TSHZ2: variants seen among roughly 807,000 people sequenced by gnomAD.
The protein encoded by TSHZ2 is teashirt zinc finger homeobox 2, also known as teashirt homolog 2.
Under a neutral mutation model 74.4 loss-of-function variants are expected in TSHZ2, and 21 were observed. The observed-to-expected ratio is 0.28, with a 90% CI of 0.20 to 0.41. The LOEUF is 0.41. Ranked by LOEUF, TSHZ2 falls within the 10% of genes least tolerant of loss-of-function variation. The pLI is 1.00. For missense variants in TSHZ2, 1,244 were observed against 1,293.5 expected, an observed-to-expected ratio of 0.96 and a Z score of 0.59; for synonymous variants, 540 against 515.3, an observed-to-expected ratio of 1.05 and a Z score of -0.65.
chr20:53,029,799 T>C (rs1983571659), intron 1 of TSHZ2, among the ~76,000 whole-genome samples: 1 of 152,182 alleles, frequency 6.6e-6, no homozygotes, highest in South Asian at 2.1e-4. Flanking sequence ...TTGTGTTTTA[T>C]AAAACTCAAA....
intron 1 of TSHZ2, among the ~76,000 whole-genome samples, chr20:53,195,010 ACT>A (rs1988827109): frequency 1.3e-5 from 2 of 151,718 alleles, no homozygotes; most frequent in African/African-American, 4.8e-5. Flanking sequence ...TCACTCTGTG[ACT>A]CTCTGTCCCT....
intron 1 of TSHZ2, among the ~76,000 whole-genome samples, chr20:52,978,373 G>T (rs1312926948): frequency 1.3e-5 from 2 of 152,132 alleles, no homozygotes; most frequent in Admixed American, 1.3e-4. Flanking sequence ...GTAATTAGCT[G>T]ACACGAGGTA....
intron 1 of TSHZ2, among the ~76,000 whole-genome samples, chr20:53,171,655 T>G (rs1386312573): frequency 6.6e-6 from 1 of 152,122 alleles, no homozygotes; most frequent in East Asian, 1.9e-4. Context: ...ATTAATTGAT[T>G]CTGAGCTATA....
At chr20:53,042,038 T>C (rs1335173558) in intron 1 of TSHZ2, among the ~76,000 whole-genome samples, 1 of 151,776 alleles carries the variant, frequency 6.6e-6, no homozygotes, top group African/African-American at 2.4e-5. Context: ...TTGCAGCATA[T>C]TACCCAAATG....
chr20:53,463,433 A>AGAAG (rs1555871560), intron 2 of TSHZ2, among the ~76,000 whole-genome samples: 1,017 of 92,892 alleles, frequency 0.011, 48 homozygotes, highest in East Asian at 0.049. Flanking sequence ...GAAGGAAGGA[A>AGAAG]GGAGGGAGGG....
chr20:53,427,198 G>A (rs1983686221), intron 2 of TSHZ2, among the ~76,000 whole-genome samples: 2 of 152,154 alleles, frequency 1.3e-5, no homozygotes, highest in South Asian at 2.1e-4. Context: ...TGTGAAGGGT[G>A]TAGCACAAAG....
At chr20:53,045,969 TC>T (rs1182326773) in intron 1 of TSHZ2, among the ~76,000 whole-genome samples, 1 of 152,162 alleles carries the variant, frequency 6.6e-6, no homozygotes, top group African/African-American at 2.4e-5. Flanking sequence ...TGTATCTGTT[TC>T]CTGTCTTATA....
chr20:53,303,480 T>C (rs2145485476), intron 2 of TSHZ2, among the ~76,000 whole-genome samples: 1 of 152,344 alleles, frequency 6.6e-6, no homozygotes, highest in East Asian at 1.9e-4. Flanking sequence ...TAAGCAGTAT[T>C]CTTCTATGAA....
chr20:53,196,753 T>C (rs1003533192), intron 1 of TSHZ2, among the ~76,000 whole-genome samples: 1 of 152,218 alleles, frequency 6.6e-6, no homozygotes, highest in Non-Finnish European at 1.5e-5. Context: ...TGCCTAGAAT[T>C]CCAGGTATTT....
At chr20:53,050,101 GTGTATATA>G (rs200893315) in intron 1 of TSHZ2, among the ~76,000 whole-genome samples, 22 of 60,446 alleles carry the variant, frequency 3.6e-4, no homozygotes, top group East Asian at 3.7e-3. Flanking sequence ...ATGTATATGT[GTGTATATA>G]TATATATATA....
chr20:53,321,683 C>CAAAAAAAA (rs59907513), intron 2 of TSHZ2, among the ~76,000 whole-genome samples: 10,446 of 57,700 alleles, frequency 0.18, 1,719 homozygotes, highest in South Asian at 0.29. Flanking sequence ...GACTCCATCT[C>CAAAAAAAA]AAAAAAAAAA....
At chr20:53,121,196 G>A (rs145400767) in intron 1 of TSHZ2, among the ~76,000 whole-genome samples, 132 of 152,326 alleles carry the variant, frequency 8.7e-4, no homozygotes, top group African/African-American at 3.1e-3. Context: ...ATGTGTGTCT[G>A]TGTGTGTATG....
At chr20:53,139,305 G>C (rs752801132) in intron 1 of TSHZ2, among the ~76,000 whole-genome samples, 4 of 152,118 alleles carry the variant, frequency 2.6e-5, no homozygotes, top group Non-Finnish European at 4.4e-5. Context: ...GTAAGTACTT[G>C]TTATTTCCTG....
intron 1 of TSHZ2, among the ~76,000 whole-genome samples, chr20:53,099,869 G>T (rs1051346501): frequency 1.3e-5 from 2 of 152,140 alleles, no homozygotes; most frequent in African/African-American, 4.8e-5. Flanking sequence ...TTTGGGTGGG[G>T]ACACAGCCAA....
At chr20:53,185,674 C>G in intron 1 of TSHZ2, 16 of 1,536,078 alleles carry the variant, frequency 1.0e-5, no homozygotes, top group Non-Finnish European at 1.4e-5. Flanking sequence ...CTCCATTATA[C>G]AGGTACAACA....
chr20:53,258,378 G>A (rs1434119697), intron 2 of TSHZ2, among the ~76,000 whole-genome samples: 4 of 151,980 alleles, frequency 2.6e-5, no homozygotes, highest in African/African-American at 9.7e-5. Context: ...AAGAGGGGGG[G>A]CATACAGAGA....
chr20:53,272,204 G>T (rs952448212), intron 2 of TSHZ2, among the ~76,000 whole-genome samples: 2 of 152,056 alleles, frequency 1.3e-5, no homozygotes, highest in Non-Finnish European at 2.9e-5. Flanking sequence ...TAGAGATAAG[G>T]TTTCACCATG....
chr20:53,076,137 AGGATTAATCT>A (rs1985356759), intron 1 of TSHZ2, among the ~76,000 whole-genome samples: 1 of 152,206 alleles, frequency 6.6e-6, no homozygotes, highest in Admixed American at 6.5e-5. Flanking sequence ...AATTTTTTGA[AGGATTAATCT>A]GGCAGTAGTT....
intron 1 of TSHZ2, among the ~76,000 whole-genome samples, chr20:53,076,243 A>G (rs1985360492): frequency 6.6e-6 from 1 of 152,212 alleles, no homozygotes; most frequent in Non-Finnish European, 1.5e-5. Context: ...GAGAGCCTGG[A>G]CTGGATGACA....
Sources: allele counts gnomAD v4.1 joint callset (sites outside exome capture counted in the v4.1 genomes callset), GRCh38; gene constraint gnomAD v4.1.1; transcripts MANE v1.5; gene names NCBI Gene and HGNC (gene_info 2026-07-23, HGNC 2026-07-21).